Variants in RNF217 observed in about 807,000 individuals in gnomAD.
The protein encoded by RNF217 is E3 ubiquitin-protein ligase RNF217.
Under a neutral mutation model 57.8 loss-of-function variants are expected in RNF217, and 31 were observed. That is an observed-to-expected ratio of 0.54 (90% CI 0.40 to 0.72). RNF217 has a LOEUF of 0.72. Among genes scored for constraint, RNF217 ranks in the 30% least tolerant of loss-of-function variants. The pLI is 0.00. For missense variants in RNF217, 696 were observed against 708.3 expected (o/e 0.98, Z 0.20); for synonymous variants, 313 against 294.0 (o/e 1.06, Z -0.66).
chr6:124,988,070 A>G (rs564135426), intron 1 of RNF217, among the ~76,000 whole-genome samples: 39 of 152,288 alleles, frequency 2.6e-4, no homozygotes, highest in Middle Eastern at 3.4e-3. Flanking sequence ...TCCGCCTCCT[A>G]TCAGGTCAGC....
chr6:125,079,053 G>A (rs1222255481), intron 4 of RNF217, among the ~76,000 whole-genome samples: 1 of 152,106 alleles, frequency 6.6e-6, no homozygotes, highest in Admixed American at 6.6e-5. Flanking sequence ...GTGGTCCTTG[G>A]CCAGAGGCAG....
intron 1 of RNF217, among the ~76,000 whole-genome samples, chr6:124,977,979 A>C (rs1295750720): frequency 6.6e-6 from 1 of 152,186 alleles, no homozygotes; most frequent in African/African-American, 2.4e-5. Flanking sequence ...ATCAAAAGGG[A>C]GGAGAGCTGG....
In RNF217 at chr6:125,089,058, T is replaced by G; in HGVS notation, c.*6121T>G. The G allele has an allele frequency of 6.6e-6, 1 of 152,584 alleles. No individual in the cohort carries two copies. Among genetic ancestry groups the G allele is most frequent in the Non-Finnish European group, 1.5e-5 (1 of 68,024 alleles). 9.5% of individuals were successfully genotyped at this position (152,584 alleles called of 1,614,324 possible). A position where few individuals can be genotyped will look rare whatever the true frequency, so the allele number is the denominator to read the frequency against. ...AACGCACTCCAGAATTTAGCTCTGG[T>G]AGTGAGCATAATTTACCTTGGCTTA... On this transcript the variant is annotated 3_prime_UTR_variant, in exon 6 of 6. Transcript: ENST00000521654.
chr6:125,050,615 C>T (rs1378745190), intron 2 of RNF217, among the ~76,000 whole-genome samples: 2 of 151,944 alleles, frequency 1.3e-5, no homozygotes, highest in African/African-American at 2.4e-5. Flanking sequence ...CGTGCTTAAC[C>T]TTCCTCCTGG....
intron 1 of RNF217, among the ~76,000 whole-genome samples, chr6:124,995,911 ACT>A (rs1451336921): frequency 6.6e-6 from 1 of 151,572 alleles, no homozygotes; most frequent in East Asian, 1.9e-4. Context: ...GATGAGCAAG[ACT>A]CTTGTCTCAA....
At position 125,048,245 on chromosome 6, in the gene RNF217, C is replaced by A. The variant is rs534566714; in HGVS notation, c.1116+2801C>A. 30 of 1,354,030 alleles carry A rather than the reference C, an allele frequency of 2.2e-5. No homozygotes were observed. In the African/African-American group the frequency reaches 4.3e-4, roughly 19 times the overall value. The allele number at this position is 1,354,030 out of a possible 1,614,324, so 83.9% of individuals were successfully genotyped here. ...CTGTACTGAGACTAAGATCTTTGTT[C>A]TTTGTGATGAACAGGTGAACATTTT... On this transcript the variant is annotated intron_variant, in intron 2 of 5. Coordinates refer to ENST00000521654, the MANE Select transcript of RNF217 (RefSeq NM_001286398.3).
chr6:125,033,286 T>C (rs1445765293), intron 1 of RNF217, among the ~76,000 whole-genome samples: 1 of 148,562 alleles, frequency 6.7e-6, no homozygotes, highest in African/African-American at 2.5e-5. Flanking sequence ...GCTGGTGTGC[T>C]GCACCCATTA....
chr6:124,986,259 C>T (rs1403770178), intron 1 of RNF217, among the ~76,000 whole-genome samples: 1 of 152,172 alleles, frequency 6.6e-6, no homozygotes, highest in Non-Finnish European at 1.5e-5. Flanking sequence ...TCTATAAATG[C>T]CTTACCTTCT....
At chr6:125,074,152 A>G (rs1001866042) in intron 3 of RNF217, among the ~76,000 whole-genome samples, 1 of 152,126 alleles carries the variant, frequency 6.6e-6, no homozygotes. Context: ...CCAATTGACA[A>G]ACTTTTCTTT....
In RNF217 at chr6:125,083,029, A is replaced by G. The variant is rs532513520; in HGVS notation, c.*92A>G. ...GTGAGTCACATCTTGAAAAACACTG[A>G]GAGGAACCTTCTACCATCTCATCTC... On this transcript the variant is annotated 3_prime_UTR_variant, in exon 6 of 6. Transcript: ENST00000521654. 2 of 808,688 alleles carry G rather than the reference A, an allele frequency of 2.5e-6. No homozygotes were observed. The highest frequency in any genetic ancestry group is 3.5e-5 in the Admixed American group (1 of 28,904). The allele number at this position is 808,688 out of a possible 1,614,324, so 50.1% of individuals were successfully genotyped here.
At position 125,081,479 on chromosome 6, in the gene RNF217, G is replaced by C. The variant is rs1334301471; in HGVS notation, c.1527G>C (p.Leu509Phe). ...CACCTCTAATTATGGTTTTGGGATT[G>C]GCACTAGGGGCCATAGCGGTTGTAA... ...FIAPLIMVLG[L>F]ALGAIAVVIG... Residue 509 changes from leucine (L) to phenylalanine (F), a missense_variant, in exon 5 of 6, where the codon TTG (leucine) becomes TTC (phenylalanine). Leu to Phe is a conservative substitution (Grantham distance 22). Transcript: ENST00000521654. 6.2e-7 allele frequency: 1 copy of C among 1,611,310 alleles called. No individual in the cohort carries two copies. Among genetic ancestry groups the C allele is most frequent in the Non-Finnish European group, 8.5e-7 (1 of 1,178,300 alleles).
At chr6:125,080,355 C>G (rs17779477) in intron 4 of RNF217, among the ~76,000 whole-genome samples, 16,246 of 152,118 alleles carry the variant, frequency 0.11, 917 homozygotes, top group Non-Finnish European at 0.12. Flanking sequence ...CATGTCTGGT[C>G]ATCTGGTTCC....
chr6:124,976,639 A>G (rs1385782620), intron 1 of RNF217, among the ~76,000 whole-genome samples: 1 of 151,974 alleles, frequency 6.6e-6, no homozygotes, highest in Non-Finnish European at 1.5e-5. Context: ...AGCTGGGACT[A>G]CAGGTGTGTG....
intron 3 of RNF217, among the ~76,000 whole-genome samples, chr6:125,066,816 G>T (rs1053172433): frequency 2.0e-5 from 3 of 152,138 alleles, no homozygotes; most frequent in Non-Finnish European, 4.4e-5. Flanking sequence ...CTAAATAATA[G>T]ATAATGGCTG....
chr6:125,061,869 A>G (rs1787747895), intron 3 of RNF217, among the ~76,000 whole-genome samples: 1 of 151,900 alleles, frequency 6.6e-6, no homozygotes, highest in Admixed American at 6.6e-5. Flanking sequence ...TGATTTTTTA[A>G]TATTTTAACT....
At chr6:124,974,832 G>A (rs1739457545) in intron 1 of RNF217, among the ~76,000 whole-genome samples, 2 of 152,202 alleles carry the variant, frequency 1.3e-5, no homozygotes, top group South Asian at 4.1e-4. Flanking sequence ...ATGTTATCGT[G>A]TGATTCGTAT....
intron 1 of RNF217, chr6:125,009,262 C>T (rs1323498840): frequency 6.2e-7 from 1 of 1,610,150 alleles, no homozygotes; most frequent in Non-Finnish European, 8.5e-7. Context: ...ACCCATAAAC[C>T]AGTTCAAGAA....
chr6:124,982,269 A>G (rs1784204893), intron 1 of RNF217, among the ~76,000 whole-genome samples: 3 of 152,094 alleles, frequency 2.0e-5, no homozygotes, highest in Admixed American at 1.3e-4. Flanking sequence ...TCAAGAATCA[A>G]CTCACTTCAA....
chr6:125,047,181 A>T (rs1163209531), intron 2 of RNF217, among the ~76,000 whole-genome samples: 2 of 152,090 alleles, frequency 1.3e-5, no homozygotes, highest in Non-Finnish European at 2.9e-5. Flanking sequence ...GATACATAGA[A>T]ACTGAGACTA....
Sources: allele counts gnomAD v4.1 joint callset (sites outside exome capture counted in the v4.1 genomes callset), GRCh38; gene constraint gnomAD v4.1.1; transcripts MANE v1.5; gene names NCBI Gene and HGNC (gene_info 2026-07-23, HGNC 2026-07-21).